Variants in OSMR observed in about 807,000 individuals in gnomAD.
OSMR encodes the protein oncostatin-M-specific receptor subunit beta.
A neutral mutation model predicts 99.9 loss-of-function variants in OSMR; 81 were observed. That is an observed-to-expected ratio of 0.81 (90% CI 0.68 to 0.97). OSMR has a LOEUF of 0.97. Ranked by LOEUF, OSMR falls within the 50% of genes least tolerant of loss-of-function variation. The probability of loss-of-function intolerance (pLI) is 0.00; values close to 1 mark genes in which losing one functional copy is unlikely to be tolerated. For synonymous variants in OSMR, 406 were observed against 410.4 expected, an observed-to-expected ratio of 0.99 and a Z score of 0.13; for missense variants, 1,099 against 1,153.4, an observed-to-expected ratio of 0.95 and a Z score of 0.68.
intron 9 of OSMR, among the ~76,000 whole-genome samples, chr5:38,912,523 T>G (rs1432068070): frequency 6.6e-6 from 1 of 152,164 alleles, no homozygotes; most frequent in Non-Finnish European, 1.5e-5. Context: ...GATTCAATGC[T>G]ATTTCTATCA....
intron 1 of OSMR, among the ~76,000 whole-genome samples, chr5:38,865,214 C>A (rs999557329): frequency 6.6e-6 from 1 of 151,964 alleles, no homozygotes; most frequent in Non-Finnish European, 1.5e-5. Flanking sequence ...ACTTTGAATT[C>A]TTTTTCAGAA....
Position 38,933,059 on chromosome 5 carries a change from C to T in OSMR, c.2555C>T (p.Pro852Leu). 1.9e-6 allele frequency: 3 copies of T among 1,614,166 alleles called. No individual in the cohort carries two copies. The highest frequency in any genetic ancestry group is 2.5e-6 in the Non-Finnish European group (3 of 1,180,032). The stretch of plus-strand genomic sequence containing the variant: ...GAAAAGAATCACTCTGGCCCTGGCC[C>T]CTGCATCTGTTTTGAGAACTTGACC... Reference protein sequence around the residue: ...PTEKNHSGPGPCICFENLTYN... With the variant: ...PTEKNHSGPGLCICFENLTYN... The change falls in exon 18 of 18, where the codon CCC becomes CTC. Residue 852 changes from proline (P) to leucine (L), a missense_variant. Physicochemically the swap from Pro to Leu is moderately conservative, Grantham distance 98. Transcript: ENST00000274276.
At chr5:38,914,023 A>G (rs929365444) in intron 9 of OSMR, among the ~76,000 whole-genome samples, 1 of 152,252 alleles carries the variant, frequency 6.6e-6, no homozygotes, top group Admixed American at 6.5e-5. Context: ...TCTCAAATGC[A>G]AGTGGAGCCT....
intron 7 of OSMR, among the ~76,000 whole-genome samples, chr5:38,897,714 T>A (rs1410247757): frequency 6.6e-6 from 1 of 152,066 alleles, no homozygotes; most frequent in Non-Finnish European, 1.5e-5. Flanking sequence ...TATTAGGTTG[T>A]GTATTTGAAG....
downstream of OSMR, chr5:38,939,320 T>C (rs1561424280): frequency 8.6e-6 from 2 of 232,340 alleles, no homozygotes; most frequent in African/African-American, 2.2e-5. Flanking sequence ...AAAGTTGTCA[T>C]TTCAAAAGGA....
chr5:38,939,472 A>G (rs982934822), downstream of OSMR: 8 of 232,116 alleles, frequency 3.4e-5, no homozygotes, highest in Non-Finnish European at 6.8e-5. Flanking sequence ...CTTCCAATCT[A>G]CCTAAGAATA....
intron 17 of OSMR, 68 bp downstream of exon 17, chr5:38,932,603 G>A: frequency 6.3e-7 from 1 of 1,578,076 alleles, no homozygotes; most frequent in South Asian, 1.1e-5. Context: ...GGGGCTGTCA[G>A]AATCCTACTT....
Position 38,885,421 on chromosome 5 carries a change from C to A in OSMR, c.776C>A (p.Pro259His). ...DFKTLHCTWD[P>H]GTDTALGWSK... ...AAGACTTTGCACTGTACTTGGGATC[C>A]TGGGACGGACACTGCCTTGGGGTGG... Residue 259 changes from proline (P) to histidine (H), a missense_variant, in exon 6 of 18, where the codon CCT becomes CAT. Pro to His is a moderately conservative substitution (Grantham distance 77). Transcript: ENST00000274276. 1 of 1,613,960 alleles carries A rather than the reference C, an allele frequency of 6.2e-7. No homozygotes were observed. Among genetic ancestry groups the A allele is most frequent in the Non-Finnish European group, 8.5e-7 (1 of 1,179,854 alleles).
At chr5:38,912,655 A>G (rs1427986918) in intron 9 of OSMR, among the ~76,000 whole-genome samples, 1 of 152,212 alleles carries the variant, frequency 6.6e-6, no homozygotes, top group Non-Finnish European at 1.5e-5. Flanking sequence ...AATAGGCAGC[A>G]CATTACCCCA....
chr5:38,902,950 G>A (rs1403200925), intron 7 of OSMR, among the ~76,000 whole-genome samples: 3 of 152,158 alleles, frequency 2.0e-5, no homozygotes, highest in South Asian at 2.1e-4. Context: ...CCACATTCTC[G>A]GGGTGTATGT....
At chr5:38,923,310 A>T in intron 13 of OSMR, 56 bp downstream of exon 13, 1 of 1,119,562 alleles carries the variant, frequency 8.9e-7, no homozygotes, top group Non-Finnish European at 1.4e-6. Context: ...AACAATTCAT[A>T]GATTCCTAGC....
chr5:38,923,122 T>TA, intron 12 of OSMR, 28 bp from the exon 13 acceptor site: 1 of 1,612,330 alleles, frequency 6.2e-7, no homozygotes, highest in South Asian at 1.1e-5. Flanking sequence ...ATTCTGTTAT[T>TA]AAAAATCTGT....
In OSMR at chr5:38,904,490, C is replaced by T. The variant is rs765436231; in HGVS notation, c.1272C>T (p.Thr424=). Residue 424 remains threonine, a synonymous_variant, in exon 9 of 18, where the codon ACC becomes ACT. Coordinates refer to ENST00000274276, the MANE Select transcript of OSMR (RefSeq NM_003999.3). ...GTGAATGGAGTGGTCAGAACTTCAC[C>T]ACACTTGAAGCTGGTATGTTCAGCC... is the stretch of plus-strand genomic sequence containing the variant. ...KWSEWSGQNF[T]TLEAAPSEAP... 1.2e-6 allele frequency: 2 copies of T among 1,614,112 alleles called. No homozygotes were observed. The highest frequency in any genetic ancestry group is 1.7e-5 in the Admixed American group (1 of 60,002).
chr5:38,872,917 T>G (rs1232318399), intron 2 of OSMR, among the ~76,000 whole-genome samples: 1 of 152,236 alleles, frequency 6.6e-6, no homozygotes, highest in African/African-American at 2.4e-5. Flanking sequence ...AAACTCAATT[T>G]CTGTGTTATG....
At chr5:38,889,879 A>G (rs1022755076) in intron 7 of OSMR, among the ~76,000 whole-genome samples, 6 of 151,704 alleles carry the variant, frequency 4.0e-5, no homozygotes, top group Non-Finnish European at 5.9e-5. Context: ...TTTTACTTTC[A>G]TAAGTTGGAT....
intron 1 of OSMR, among the ~76,000 whole-genome samples, chr5:38,852,159 T>G (rs2112030141): frequency 6.6e-6 from 1 of 152,346 alleles, no homozygotes; most frequent in Non-Finnish European, 1.5e-5. Flanking sequence ...TGTTGTTCCT[T>G]TGTAGAAATG....
rs1336875547 is a variant in OSMR, at chr5:38,897,020, ATC to A, written c.992-6860_992-6859del. ...AGATCCCACTTGGTCATGATGAATG[ATC>A]TTTTTGGTGTGTTGTTGAATTTGGT... is the stretch of plus-strand genomic sequence containing the variant. On this transcript the variant is annotated intron_variant, in intron 7 of 17. Coordinates refer to ENST00000274276, the MANE Select transcript of OSMR (RefSeq NM_003999.3). Among the ~76,000 whole-genome samples the A allele has an allele frequency of 2.0e-5, 3 of 152,082 alleles. No homozygotes were observed. In the East Asian group the frequency reaches 5.8e-4, roughly 29 times the overall value.
In OSMR at chr5:38,904,420, T is replaced by C; in HGVS notation, c.1202T>C (p.Met401Thr). 6.2e-7 allele frequency: 1 copy of C among 1,614,196 alleles called. No homozygotes were observed. Among genetic ancestry groups the C allele is most frequent in the Middle Eastern group, 1.6e-4 (1 of 6,062 alleles). Residue 401 changes from methionine to threonine, a missense_variant, in exon 9 of 18, where the codon ATG becomes ACG. Transcript: ENST00000274276. ...GAACTGGAACCTGCCACAGAGTACA[T>C]GGCGCGAGTACGGTGTGCTGATGCC... ...LSELEPATEY[M>T]ARVRCADASH...
chr5:38,926,865 C>T (rs562464638), intron 15 of OSMR, among the ~76,000 whole-genome samples: 28 of 152,286 alleles, frequency 1.8e-4, no homozygotes, highest in Middle Eastern at 3.4e-3. Context: ...AAATCCCTTC[C>T]GCCTATGAGC....
Sources: allele counts gnomAD v4.1 joint callset (sites outside exome capture counted in the v4.1 genomes callset), GRCh38; gene constraint gnomAD v4.1.1; transcripts MANE v1.5; gene names NCBI Gene and HGNC (gene_info 2026-07-23, HGNC 2026-07-21).